Variants in TNKS observed in about 807,000 individuals in gnomAD.
TNKS encodes the protein poly [ADP-ribose] polymerase tankyrase-1.
Under a neutral mutation model 135.8 loss-of-function variants are expected in TNKS, and 72 were observed. The ratio of observed to expected loss-of-function variants is 0.53; its 90% CI spans 0.44 to 0.64. TNKS has a LOEUF of 0.64. TNKS is among the 30% of genes least tolerant of loss of function. TNKS has a pLI of 0.00. For synonymous variants in TNKS, 849 were observed against 649.3 expected, an observed-to-expected ratio of 1.31 and a Z score of -4.68; for missense variants, 1,769 against 1,674.0, an observed-to-expected ratio of 1.06 and a Z score of -0.99.
At chr8:9,617,458 A>G (rs1799689077) in intron 3 of TNKS, among the ~76,000 whole-genome samples, 3 of 152,258 alleles carry the variant, frequency 2.0e-5, no homozygotes, top group Admixed American at 6.5e-5. Flanking sequence ...GAAATGATCT[A>G]CAGCTTTTCA....
intron 3 of TNKS, among the ~76,000 whole-genome samples, chr8:9,634,085 A>G (rs1187155217): frequency 3.5e-5 from 4 of 114,572 alleles, no homozygotes. Context: ...AACTGCATAT[A>G]TATATATATA....
chr8:9,613,904 A>G (rs1356375177), intron 2 of TNKS, among the ~76,000 whole-genome samples: 1 of 152,216 alleles, frequency 6.6e-6, no homozygotes, highest in Non-Finnish European at 1.5e-5. Context: ...CCATCATTTA[A>G]CTGTCAAACT....
intron 21 of TNKS, among the ~76,000 whole-genome samples, chr8:9,762,185 T>C (rs974536316): frequency 6.6e-6 from 1 of 151,970 alleles, no homozygotes; most frequent in African/African-American, 2.4e-5. Context: ...TTTTCCATTG[T>C]ACTTTGCCGT....
At chr8:9,636,199 A>G (rs974311700) in intron 3 of TNKS, among the ~76,000 whole-genome samples, 3 of 152,212 alleles carry the variant, frequency 2.0e-5, no homozygotes, top group Non-Finnish European at 4.4e-5. Flanking sequence ...GATGATTATA[A>G]GTAGGTGAGA....
intron 13 of TNKS, among the ~76,000 whole-genome samples, chr8:9,730,444 G>C (rs1805378496): frequency 6.6e-6 from 1 of 152,090 alleles, no homozygotes; most frequent in African/African-American, 2.4e-5. Context: ...TAATTCTCCA[G>C]ACCCTTTTTG....
chr8:9,631,416 A>T (rs890179781), intron 3 of TNKS, among the ~76,000 whole-genome samples: 5 of 152,218 alleles, frequency 3.3e-5, no homozygotes, highest in African/African-American at 1.2e-4. Context: ...ATAAGTCATA[A>T]AATGTACTGA....
At chr8:9,668,354 A>G (rs1211313117) in intron 3 of TNKS, among the ~76,000 whole-genome samples, 1 of 152,216 alleles carries the variant, frequency 6.6e-6, no homozygotes, top group African/African-American at 2.4e-5. Flanking sequence ...CTTAGGGAGA[A>G]AATACATTGC....
intron 11 of TNKS, among the ~76,000 whole-genome samples, chr8:9,711,808 T>A (rs966280897): frequency 6.6e-6 from 1 of 152,178 alleles, no homozygotes; most frequent in African/African-American, 2.4e-5. Context: ...TTTTAGAAAA[T>A]GTTCACTTTT....
chr8:9,557,597 C>T (rs970666684), intron 1 of TNKS: 1 of 151,842 alleles, frequency 6.6e-6, no homozygotes, highest in Admixed American at 6.6e-5. Flanking sequence ...ATATATTGTA[C>T]GTTATACAAT....
intron 3 of TNKS, among the ~76,000 whole-genome samples, chr8:9,675,529 T>C (rs1461002823): frequency 6.6e-6 from 1 of 152,242 alleles, no homozygotes; most frequent in Non-Finnish European, 1.5e-5. Flanking sequence ...GAATTTTCTT[T>C]ATTCCTGAAA....
At chr8:9,759,040 G>A (rs1045388620) in intron 20 of TNKS, among the ~76,000 whole-genome samples, 1 of 152,156 alleles carries the variant, frequency 6.6e-6, no homozygotes, top group African/African-American at 2.4e-5. Context: ...CTTGCCATGT[G>A]AGCCTGTATA....
intron 3 of TNKS, among the ~76,000 whole-genome samples, chr8:9,646,834 C>T (rs1800936361): frequency 6.6e-6 from 1 of 152,048 alleles, no homozygotes; most frequent in Non-Finnish European, 1.5e-5. Context: ...CTTTGGGGTC[C>T]TATGAGTAAA....
chr8:9,640,948 T>A (rs1396604573), intron 3 of TNKS, among the ~76,000 whole-genome samples: 1 of 146,086 alleles, frequency 6.8e-6, no homozygotes, highest in Non-Finnish European at 1.5e-5. Flanking sequence ...CCTCATTTTC[T>A]AATAGCATCC....
At chr8:9,595,065 T>C (rs1798725333) in intron 2 of TNKS, among the ~76,000 whole-genome samples, 1 of 152,204 alleles carries the variant, frequency 6.6e-6, no homozygotes, top group Non-Finnish European at 1.5e-5. Flanking sequence ...TTCCTTTTCC[T>C]GCCAGAATAC....
chr8:9,717,959 A>G (rs1188307153), intron 11 of TNKS, among the ~76,000 whole-genome samples: 2 of 152,112 alleles, frequency 1.3e-5, no homozygotes, highest in Non-Finnish European at 2.9e-5. Context: ...TACAAACAAT[A>G]CATTTTCAGT....
At chr8:9,728,802 A>T (rs1472362649) in intron 13 of TNKS, among the ~76,000 whole-genome samples, 2 of 152,120 alleles carry the variant, frequency 1.3e-5, no homozygotes, top group Non-Finnish European at 2.9e-5. Context: ...GCATTTCCGT[A>T]TAGAGTTGAT....
At chr8:9,744,074 A>G (rs1391774257) in intron 17 of TNKS, among the ~76,000 whole-genome samples, 2 of 152,212 alleles carry the variant, frequency 1.3e-5, no homozygotes, top group East Asian at 3.8e-4. Flanking sequence ...TTTGTATAAA[A>G]AGAACCTCAG....
chr8:9,696,032 T>C lies in TNKS; in HGVS notation c.1108-8631T>C, dbSNP rs144278009. ...AGGCAGTTGGATTATAGCATATGAC[T>C]ATATGTCATTTACTCCATATAGTAA... On this transcript the variant is annotated intron_variant, in intron 5 of 26. Coordinates refer to ENST00000310430, the MANE Select transcript of TNKS (RefSeq NM_003747.3). Among the ~76,000 whole-genome samples the C allele has an allele frequency of 4.6e-5, 7 of 152,352 alleles. No individual in the cohort carries two copies. In the East Asian group the frequency reaches 1.3e-3, roughly 29 times the overall value.
chr8:9,564,438 A>T (rs1472600622), intron 1 of TNKS, among the ~76,000 whole-genome samples: 1 of 152,230 alleles, frequency 6.6e-6, no homozygotes, highest in East Asian at 1.9e-4. Context: ...AATAATTCTG[A>T]GAAAATAAAT....
Sources: gnomAD v4.1 joint callset for allele counts (sites outside exome capture counted in the v4.1 genomes callset) on GRCh38, gnomAD v4.1.1 for gene constraint, MANE v1.5 for transcripts, NCBI Gene and HGNC (gene_info 2026-07-23, HGNC 2026-07-21) for gene names.